CTNNA3: variants seen among roughly 807,000 people sequenced by gnomAD.
CTNNA3 encodes catenin alpha-3.
CTNNA3 carries 76 observed loss-of-function variants against 95.7 expected under a neutral mutation model. The observed-to-expected ratio is 0.79, with a 90% CI of 0.66 to 0.96. The LOEUF (loss-of-function observed/expected upper bound fraction) is 0.96. Among genes scored for constraint, CTNNA3 ranks in the 40% least tolerant of loss-of-function variants. CTNNA3 has a pLI of 0.00. For synonymous variants in CTNNA3, 431 were observed against 374.4 expected (o/e 1.15, Z -1.74); for missense variants, 1,191 against 1,089.8 (o/e 1.09, Z -1.31).
intron 13 of CTNNA3, among the ~76,000 whole-genome samples, chr10:66,234,097 G>A (rs2089734578): frequency 6.6e-6 from 1 of 152,120 alleles, no homozygotes; most frequent in Non-Finnish European, 1.5e-5. Context: ...AAAGGTTAAT[G>A]ACTGGGTAGG....
chr10:67,470,870 T>A (rs184800099), intron 5 of CTNNA3, among the ~76,000 whole-genome samples: 1 of 152,174 alleles, frequency 6.6e-6, no homozygotes, highest in African/African-American at 2.4e-5. Context: ...AGTCTTGACC[T>A]CCCAGGATAA....
chr10:67,180,617 T>C, intron 6 of CTNNA3, 97 bp from the exon 7 acceptor site: 2 of 983,576 alleles, frequency 2.0e-6, no homozygotes, highest in East Asian at 2.5e-5. Flanking sequence ...AATTCAGATG[T>C]GATAATAAAG....
intron 5 of CTNNA3, among the ~76,000 whole-genome samples, chr10:67,364,194 C>A (rs560377120): frequency 2.6e-5 from 4 of 152,130 alleles, no homozygotes; most frequent in Admixed American, 1.3e-4. Flanking sequence ...TAAACGTAAT[C>A]CATCACATAA....
At chr10:66,165,023 A>G (rs1269354334) in intron 13 of CTNNA3, among the ~76,000 whole-genome samples, 5 of 152,188 alleles carry the variant, frequency 3.3e-5, no homozygotes, top group African/African-American at 1.2e-4. Flanking sequence ...GATCAAATAC[A>G]GAATACAATA....
intron 5 of CTNNA3, among the ~76,000 whole-genome samples, chr10:67,380,369 A>C (rs10997625): frequency 0.052 from 7,943 of 152,302 alleles, 250 homozygotes; most frequent in South Asian, 0.096. Context: ...TTCATGAAAG[A>C]TTATTCAATA....
At chr10:66,435,789 C>A (rs1029168041) in intron 11 of CTNNA3, among the ~76,000 whole-genome samples, 85 of 152,302 alleles carry the variant, frequency 5.6e-4, no homozygotes, top group African/African-American at 1.9e-3. Flanking sequence ...AAATTTAGAT[C>A]TTTCCTGCTT....
intron 7 of CTNNA3, among the ~76,000 whole-genome samples, chr10:66,952,851 C>T (rs1848604717): frequency 6.6e-6 from 1 of 151,802 alleles, no homozygotes; most frequent in South Asian, 2.1e-4. Flanking sequence ...TTAAGATAAG[C>T]CTGATACAAA....
chr10:66,244,262 G>T (rs79968710), intron 13 of CTNNA3, among the ~76,000 whole-genome samples: 1 of 152,272 alleles, frequency 6.6e-6, no homozygotes, highest in Non-Finnish European at 1.5e-5. Context: ...GATTTCTAAC[G>T]TTTTTTACTT....
intron 11 of CTNNA3, among the ~76,000 whole-genome samples, chr10:66,383,363 T>G (rs988472194): frequency 5.9e-5 from 9 of 151,988 alleles, no homozygotes; most frequent in Non-Finnish European, 1.3e-4. Context: ...AAGATCAAAT[T>G]AATGAAATAA....
Position 67,110,824 on chromosome 10 carries a change from A to T in CTNNA3, c.1047+69493T>A, listed in dbSNP as rs191828852. ...CTTGAAAATATCTGTTATAATTTTTAAAAAAAGAAAATAAGGAAAAGAGAA... is the reference window on the plus strand; with the variant it reads ...CTTGAAAATATCTGTTATAATTTTTTAAAAAAGAAAATAAGGAAAAGAGAA... On this transcript the variant is annotated intron_variant, in intron 7 of 17. Coordinates refer to ENST00000433211, the MANE Select transcript of CTNNA3 (RefSeq NM_013266.4). Among the ~76,000 whole-genome samples, 670 of 152,226 alleles carry T rather than the reference A, an allele frequency of 4.4e-3. 1 individual carries two copies. The highest frequency in any genetic ancestry group is 0.015 in the African/African-American group (630 of 41,564).
chr10:67,600,528 A>G, intron 3 of CTNNA3, among the ~76,000 whole-genome samples: 1 of 152,220 alleles, frequency 6.6e-6, no homozygotes, highest in Admixed American at 6.5e-5. Flanking sequence ...ACAATATAAT[A>G]CCACTACATA....
At chr10:67,703,578 C>T (rs1841058558) in intron 1 of CTNNA3, among the ~76,000 whole-genome samples, 1 of 152,130 alleles carries the variant, frequency 6.6e-6, no homozygotes, top group South Asian at 2.1e-4. Flanking sequence ...TTCAACAGCC[C>T]TTCATGCTAA....
At chr10:66,233,531 A>AG (rs1263471894) in intron 13 of CTNNA3, among the ~76,000 whole-genome samples, 1 of 152,210 alleles carries the variant, frequency 6.6e-6, no homozygotes, top group African/African-American at 2.4e-5. Flanking sequence ...TTTACAAAAT[A>AG]GAAATTTACA....
At chr10:67,130,346 G>A (rs1443021671) in intron 7 of CTNNA3, among the ~76,000 whole-genome samples, 1 of 152,074 alleles carries the variant, frequency 6.6e-6, no homozygotes, top group Non-Finnish European at 1.5e-5. Flanking sequence ...CAGGCAGGGA[G>A]AAGCCACCCT....
At chr10:67,435,943 C>T (rs1846285901) in intron 5 of CTNNA3, among the ~76,000 whole-genome samples, 1 of 151,872 alleles carries the variant, frequency 6.6e-6, no homozygotes, top group African/African-American at 2.4e-5. Flanking sequence ...AAAATACCAC[C>T]ATCATTCTTC....
At position 66,530,929 on chromosome 10, in the gene CTNNA3, A is replaced by G. The variant is rs1438430250; in HGVS notation, c.1375-10156T>C. On this transcript the variant is annotated intron_variant, in intron 10 of 17. Coordinates refer to ENST00000433211, the MANE Select transcript of CTNNA3 (RefSeq NM_013266.4). ...GCTTTCTGTGAAAGTATATGCCAGTATAAATTTTCGTATCTCATAAAACAT... is the reference window on the plus strand; with the variant it reads ...GCTTTCTGTGAAAGTATATGCCAGTGTAAATTTTCGTATCTCATAAAACAT... Among the ~76,000 whole-genome samples the G allele has an allele frequency of 2.0e-5, 3 of 152,168 alleles. No homozygotes were observed. In the East Asian group the frequency reaches 5.8e-4, roughly 29 times the overall value.
chr10:67,070,591 CA>C (rs1436470989), intron 7 of CTNNA3, among the ~76,000 whole-genome samples: 1 of 151,842 alleles, frequency 6.6e-6, no homozygotes, highest in African/African-American at 2.4e-5. Context: ...TAGTAAAATA[CA>C]GAAAATTAGC....
chr10:66,489,064 G>A (rs1735309770), intron 11 of CTNNA3, among the ~76,000 whole-genome samples: 2 of 152,114 alleles, frequency 1.3e-5, no homozygotes, highest in African/African-American at 2.4e-5. Context: ...CTTTGGAGCC[G>A]AGAAGACAGA....
chr10:67,739,596 A>G (rs963664881), intron 1 of CTNNA3, among the ~76,000 whole-genome samples: 1 of 151,880 alleles, frequency 6.6e-6, no homozygotes, highest in African/African-American at 2.4e-5. Context: ...AATCCACCTT[A>G]CAAGGGACGT....
Sources: allele counts gnomAD v4.1 joint callset (sites outside exome capture counted in the v4.1 genomes callset), GRCh38; gene constraint gnomAD v4.1.1; transcripts MANE v1.5; gene names NCBI Gene and HGNC (gene_info 2026-07-23, HGNC 2026-07-21).